The following LRMDA variants were observed in gnomAD, a reference collection of about 807,000 sequenced individuals.
LRMDA encodes leucine-rich melanocyte differentiation-associated protein.
Under a neutral mutation model 29.8 loss-of-function variants are expected in LRMDA, and 18 were observed. The observed-to-expected ratio is 0.60, with a 90% confidence interval of 0.42 to 0.90. The LOEUF (loss-of-function observed/expected upper bound fraction) is 0.90, where lower values mean the gene tolerates loss of function less well. Among genes scored for constraint, LRMDA ranks in the 40% least tolerant of loss-of-function variants. LRMDA has a pLI of 0.00. For synonymous variants in LRMDA, 125 were observed against 109.4 expected, an observed-to-expected ratio of 1.14 and a Z score of -0.89; for missense variants, 273 against 273.9, an observed-to-expected ratio of 1.00 and a Z score of 0.02.
At chr10:75,945,440 T>C (rs895942342) in intron 2 of LRMDA, among the ~76,000 whole-genome samples, 1 of 152,216 alleles carries the variant, frequency 6.6e-6, no homozygotes, top group Non-Finnish European at 1.5e-5. Context: ...GCAAAATTCA[T>C]CCTTAACCAC....
chr10:76,278,630 A>G (rs1840165708), intron 5 of LRMDA, among the ~76,000 whole-genome samples: 1 of 152,188 alleles, frequency 6.6e-6, no homozygotes, highest in African/African-American at 2.4e-5. Flanking sequence ...CAGACAGCAT[A>G]TAGGTAATTC....
At chr10:75,832,873 A>G (rs901100109) in intron 2 of LRMDA, among the ~76,000 whole-genome samples, 3 of 152,248 alleles carry the variant, frequency 2.0e-5, no homozygotes, top group African/African-American at 7.2e-5. Context: ...AACACGAGAA[A>G]GACCTGCCCC....
intron 2 of LRMDA, among the ~76,000 whole-genome samples, chr10:75,497,998 C>A (rs1012557673): frequency 1.3e-5 from 2 of 152,162 alleles, no homozygotes; most frequent in Non-Finnish European, 2.9e-5. Flanking sequence ...TTCCCCAAAG[C>A]GGCTGTTTCC....
In LRMDA at chr10:75,801,758, C is replaced by A. The variant is rs186094969; in HGVS notation, c.132-234250C>A. Among the ~76,000 whole-genome samples, 8 of 152,300 alleles carry A rather than the reference C, an allele frequency of 5.3e-5. No homozygotes were observed. The East Asian group carries it at 1.5e-3, about 29-fold the overall frequency. ...TTTGCTCTGAGTGAGAGATAAGGAG[C>A]TGTCGAATGGCTTCCTTAGAGAAAA... is the stretch of plus-strand genomic sequence containing the variant. On this transcript the variant is annotated intron_variant, in intron 2 of 6. Transcript: ENST00000611255.
At chr10:75,824,099 T>C (rs1844210785) in intron 2 of LRMDA, among the ~76,000 whole-genome samples, 1 of 152,082 alleles carries the variant, frequency 6.6e-6, no homozygotes, top group African/African-American at 2.4e-5. Flanking sequence ...GTGTGATATA[T>C]CCATGTAACA....
intron 6 of LRMDA, among the ~76,000 whole-genome samples, chr10:76,554,672 G>A (rs578222508): frequency 1.1e-4 from 16 of 152,276 alleles, no homozygotes; most frequent in African/African-American, 2.9e-4. Flanking sequence ...AAGAAGGCTC[G>A]GGAATGTGGC....
rs1468121483 is a variant in LRMDA, at chr10:75,490,304, G to T, written c.131+51810G>T. On this transcript the variant is annotated intron_variant, in intron 2 of 6. Coordinates refer to ENST00000611255, the MANE Select transcript of LRMDA (RefSeq NM_001305581.2). Reference sequence around the variant, plus strand: ...TGATGATGAGAAGTATTTTGGCCAAGAATATGTATGTGCATATATGACATG... The same window carrying T: ...TGATGATGAGAAGTATTTTGGCCAATAATATGTATGTGCATATATGACATG... 2.7e-5 allele frequency among the ~76,000 whole-genome samples: 4 copies of T among 150,596 alleles called. 1 individual carries two copies. The highest frequency in any genetic ancestry group is 9.8e-5 in the African/African-American group (4 of 40,798).
At chr10:76,053,234 C>A (rs764691142) in intron 4 of LRMDA, among the ~76,000 whole-genome samples, 1 of 152,142 alleles carries the variant, frequency 6.6e-6, no homozygotes, top group Non-Finnish European at 1.5e-5. Flanking sequence ...ACTGATTGAA[C>A]CATCAATAGC....
At chr10:76,364,303 G>A (rs1316762430) in intron 6 of LRMDA, among the ~76,000 whole-genome samples, 1 of 152,054 alleles carries the variant, frequency 6.6e-6, no homozygotes, top group Non-Finnish European at 1.5e-5. Flanking sequence ...CAGAGAAAGG[G>A]ACAACTTTAA....
chr10:76,213,515 G>A (rs1851672834), intron 5 of LRMDA, among the ~76,000 whole-genome samples: 1 of 152,180 alleles, frequency 6.6e-6, no homozygotes, highest in Admixed American at 6.5e-5. Flanking sequence ...AATCAAATTA[G>A]CTTTCATTTC....
intron 2 of LRMDA, among the ~76,000 whole-genome samples, chr10:75,595,770 A>G (rs1840778826): frequency 6.6e-6 from 1 of 151,986 alleles, no homozygotes; most frequent in Non-Finnish European, 1.5e-5. Context: ...AAGCAAGTTG[A>G]AAAGACTAGG....
chr10:76,034,792 A>G (rs1342648678), intron 2 of LRMDA, among the ~76,000 whole-genome samples: 1 of 152,268 alleles, frequency 6.6e-6, no homozygotes, highest in East Asian at 1.9e-4. Context: ...GATTTGTCAC[A>G]TTTTATAGAA....
At chr10:76,188,987 A>G (rs1851198516) in intron 5 of LRMDA, among the ~76,000 whole-genome samples, 1 of 150,634 alleles carries the variant, frequency 6.6e-6, no homozygotes, top group Non-Finnish European at 1.5e-5. Flanking sequence ...TTTATTAAGT[A>G]GTTAGATCCC....
chr10:76,144,867 A>G (rs1850280863), intron 5 of LRMDA, among the ~76,000 whole-genome samples: 1 of 152,146 alleles, frequency 6.6e-6, no homozygotes. Flanking sequence ...GATACGTCCC[A>G]TCAATACCTA....
chr10:75,957,941 T>G (rs1004065464), intron 2 of LRMDA, among the ~76,000 whole-genome samples: 5 of 152,160 alleles, frequency 3.3e-5, no homozygotes, highest in Admixed American at 3.3e-4. Flanking sequence ...TTTGGGGATA[T>G]CCAGGAGGGA....
chr10:76,138,199 C>A (rs1850132317), intron 5 of LRMDA, among the ~76,000 whole-genome samples: 2 of 152,082 alleles, frequency 1.3e-5, no homozygotes, highest in African/African-American at 4.8e-5. Flanking sequence ...TCTGCAGCAA[C>A]TTTTTCCCCC....
At chr10:75,571,220 A>G (rs1010547090) in intron 2 of LRMDA, among the ~76,000 whole-genome samples, 1 of 152,214 alleles carries the variant, frequency 6.6e-6, no homozygotes, top group Non-Finnish European at 1.5e-5. Flanking sequence ...TAGGTCAATT[A>G]ACATGTGTGT....
chr10:76,538,114 A>AT (rs1051217098), intron 6 of LRMDA, among the ~76,000 whole-genome samples: 1 of 151,944 alleles, frequency 6.6e-6, no homozygotes, highest in Admixed American at 6.6e-5. Flanking sequence ...AATTAGGTTC[A>AT]TTTTTTTCTG....
intron 2 of LRMDA, among the ~76,000 whole-genome samples, chr10:75,468,291 G>A (rs766927354): frequency 1.1e-4 from 17 of 152,050 alleles, no homozygotes; most frequent in Non-Finnish European, 1.9e-4. Flanking sequence ...GGGGTGCGGG[G>A]CGGGGTTAGG....
Sources: allele counts gnomAD v4.1 joint callset (sites outside exome capture counted in the v4.1 genomes callset), GRCh38; gene constraint gnomAD v4.1.1; transcripts MANE v1.5; gene names NCBI Gene and HGNC (gene_info 2026-07-23, HGNC 2026-07-21).